Variants in GALNT18 observed in about 807,000 individuals in gnomAD.
The protein encoded by GALNT18 is GalNAc-transferase 18.
In GALNT18, 44 loss-of-function variants were observed where a neutral mutation model predicts 69.5. The ratio of observed to expected loss-of-function variants is 0.63; its 90% CI spans 0.50 to 0.81. The LOEUF is 0.81. Among genes scored for constraint, GALNT18 ranks in the 40% least tolerant of loss-of-function variants. The pLI, the probability that GALNT18 is intolerant of heterozygous loss-of-function variation, is 0.00. For synonymous variants in GALNT18, 364 were observed against 318.2 expected (o/e 1.14, Z -1.53); for missense variants, 715 against 810.0 (o/e 0.88, Z 1.42).
intron 1 of GALNT18, among the ~76,000 whole-genome samples, chr11:11,520,674 G>T (rs765084371): frequency 6.6e-6 from 1 of 152,190 alleles, no homozygotes; most frequent in Non-Finnish European, 1.5e-5. Flanking sequence ...AGCTAGATGG[G>T]GCAGAGGGAG....
chr11:11,462,665 A>C (rs1856072203), intron 1 of GALNT18, among the ~76,000 whole-genome samples: 2 of 152,100 alleles, frequency 1.3e-5, no homozygotes, highest in Non-Finnish European at 2.9e-5. Context: ...TCATGCCCTA[A>C]AATGTCACAA....
chr11:11,320,342 C>T lies in GALNT18; in HGVS notation c.1512+6744G>A, dbSNP rs1485757109. ...CCATCTCCTGCAGTTGTACAGTGCA[C>T]AACCTGCACAATGGCATGTGACAGT... is the stretch of plus-strand genomic sequence containing the variant. On this transcript the variant is annotated intron_variant, in intron 9 of 10. Transcript: ENST00000227756. This position sits in a 1 kb window ranked among gnomAD's most constrained non-coding sequence, Gnocchi z 4.9. Among the ~76,000 whole-genome samples the T allele has an allele frequency of 6.6e-6, 1 of 152,212 alleles. No homozygotes were observed. Among genetic ancestry groups the T allele is most frequent in the African/African-American group, 2.4e-5 (1 of 41,446 alleles).
chr11:11,323,357 G>T (rs186528875), intron 9 of GALNT18, among the ~76,000 whole-genome samples: 84 of 152,366 alleles, frequency 5.5e-4, no homozygotes, highest in African/African-American at 1.9e-3. Flanking sequence ...GAAAGGCATA[G>T]AATAGATATT....
chr11:11,369,415 G>A (rs1850845929), intron 6 of GALNT18, among the ~76,000 whole-genome samples: 1 of 152,100 alleles, frequency 6.6e-6, no homozygotes, highest in Admixed American at 6.5e-5. Flanking sequence ...ACCTTCTCAT[G>A]GCTGTCTTTC....
chr11:11,423,070 G>T (rs544433262), intron 3 of GALNT18, among the ~76,000 whole-genome samples: 2 of 152,108 alleles, frequency 1.3e-5, no homozygotes, highest in African/African-American at 4.8e-5. Context: ...TACTGCGTAA[G>T]TGCGCACACA....
At chr11:11,565,512 T>C (rs1251876801) in intron 1 of GALNT18, among the ~76,000 whole-genome samples, 1 of 152,124 alleles carries the variant, frequency 6.6e-6, no homozygotes, top group South Asian at 2.1e-4. Context: ...ATGCAAGCAC[T>C]GGGAAAGGAA....
At chr11:11,322,482 C>T (rs1186640524) in intron 9 of GALNT18, among the ~76,000 whole-genome samples, 1 of 152,216 alleles carries the variant, frequency 6.6e-6, no homozygotes, top group Non-Finnish European at 1.5e-5. Context: ...CTACTTGTGA[C>T]CTGGCTACCT....
chr11:11,330,570 C>G (rs1444522431), intron 8 of GALNT18, among the ~76,000 whole-genome samples: 3 of 152,130 alleles, frequency 2.0e-5, no homozygotes, highest in Admixed American at 1.3e-4. Flanking sequence ...AGCCCTCTGC[C>G]AGCTGCAGGG....
chr11:11,430,205 C>A lies in GALNT18; in HGVS notation c.595+2416G>T, dbSNP rs1216613255. ...AGAACCCTCTTTGAACTCACTGAAC[C>A]AGAATCTCCTAGGAGAGCTTTTTGT... On this transcript the variant is annotated intron_variant, in intron 3 of 10. Transcript: ENST00000227756. This position sits in a 1 kb window ranked among gnomAD's most constrained non-coding sequence, Gnocchi z 4.9. Among the ~76,000 whole-genome samples the A allele has an allele frequency of 6.6e-6, 1 of 152,156 alleles. No homozygotes were observed. The highest frequency in any genetic ancestry group is 6.5e-5 in the Admixed American group (1 of 15,274).
chr11:11,557,793 C>T (rs1858368128), intron 1 of GALNT18, among the ~76,000 whole-genome samples: 1 of 152,212 alleles, frequency 6.6e-6, no homozygotes, highest in Non-Finnish European at 1.5e-5. Flanking sequence ...TCTCATGCCA[C>T]ATGGCTGGCA....
intron 6 of GALNT18, among the ~76,000 whole-genome samples, chr11:11,343,100 T>C (rs538904823): frequency 2.0e-5 from 3 of 152,138 alleles, no homozygotes; most frequent in Non-Finnish European, 4.4e-5. Flanking sequence ...TCCCAGCACT[T>C]TGGGAGGCTG....
At chr11:11,346,210 C>T (rs1438930619) in intron 6 of GALNT18, among the ~76,000 whole-genome samples, 3 of 152,198 alleles carry the variant, frequency 2.0e-5, no homozygotes, top group African/African-American at 7.2e-5. Flanking sequence ...TGTCTGTCTC[C>T]CTTCACTGGA....
At chr11:11,609,180 C>A (rs868501502) in intron 1 of GALNT18, among the ~76,000 whole-genome samples, 3 of 152,218 alleles carry the variant, frequency 2.0e-5, no homozygotes, top group African/African-American at 7.2e-5. Flanking sequence ...CTGCTCACCC[C>A]CTCTGGTAGC....
intron 1 of GALNT18, among the ~76,000 whole-genome samples, chr11:11,455,074 C>G (rs1477892647): frequency 6.6e-6 from 1 of 152,224 alleles, no homozygotes; most frequent in Non-Finnish European, 1.5e-5. Context: ...CAGCCCTATT[C>G]AGAGATGCTC....
At position 11,387,529 on chromosome 11, in the gene GALNT18, T is replaced by A. The variant is rs1854085795; in HGVS notation, c.596-8265A>T. 6.6e-6 allele frequency among the ~76,000 whole-genome samples: 1 copy of A among 152,244 alleles called. No individual in the cohort carries two copies. The highest frequency in any genetic ancestry group is 2.4e-5 in the African/African-American group (1 of 41,460). On this transcript the variant is annotated intron_variant, in intron 3 of 10. Coordinates refer to ENST00000227756, the MANE Select transcript of GALNT18 (RefSeq NM_198516.3). The surrounding 1 kb of genome is among the most constrained non-coding windows in gnomAD (Gnocchi z 4.6). ...GGTGCTAATTTAAAGATTAAAAGTG[T>A]GTTTATTCCTTTCCAAGTGAAAAGT...
chr11:11,453,357 C>T lies in GALNT18; in HGVS notation c.236-4421G>A, dbSNP rs115522655. Among the ~76,000 whole-genome samples the T allele has an allele frequency of 8.5e-3, 1,296 of 152,290 alleles. 22 individuals carry two copies. The highest frequency in any genetic ancestry group is 0.03 in the African/African-American group (1,247 of 41,550). Reference sequence around the variant, plus strand: ...ATCTCTGCCCCTGGTTTTCTCCTCTCCAGCCACACCGGCCACTCATCAGAC... The same window carrying T: ...ATCTCTGCCCCTGGTTTTCTCCTCTTCAGCCACACCGGCCACTCATCAGAC... On this transcript the variant is annotated intron_variant, in intron 1 of 10. Coordinates refer to ENST00000227756, the MANE Select transcript of GALNT18 (RefSeq NM_198516.3).
rs1850166553 is a variant in GALNT18 at position 11,339,527 on chromosome 11, C to CCAT, written c.1278+1289_1278+1291dup. On this transcript the variant is annotated intron_variant, in intron 7 of 10. Coordinates refer to ENST00000227756, the MANE Select transcript of GALNT18 (RefSeq NM_198516.3). This position sits in a 1 kb window ranked among gnomAD's most constrained non-coding sequence, Gnocchi z 5.2. ...GTTTCCAAGTGTTCTTAATATTTTG[C>CCAT]CATCACAGGACACCTACCACAGGGC... 6.6e-6 allele frequency among the ~76,000 whole-genome samples: 1 copy of CCAT among 152,120 alleles called. No individual in the cohort carries two copies. The highest frequency in any genetic ancestry group is 1.5e-5 in the Non-Finnish European group (1 of 68,032).
intron 9 of GALNT18, 151 bp from the exon 10 acceptor site, chr11:11,293,344 C>T: frequency 2.1e-6 from 1 of 469,426 alleles, no homozygotes. Flanking sequence ...AGATTATTTT[C>T]TATTGCAATG....
In GALNT18 at chr11:11,432,865, C is replaced by T. The variant is rs1855307556; in HGVS notation, c.429-78G>A. On this transcript the variant is annotated intron_variant, in intron 2 of 10. Transcript: ENST00000227756. This position sits in a 1 kb window ranked among gnomAD's most constrained non-coding sequence, Gnocchi z 5.8. ...GGAGCTGACCCAGCCCATGTCCTGG[C>T]TCCAGCTTTGCTGGAGGGCTCGGGA... is the stretch of plus-strand genomic sequence containing the variant. 2.7e-6 allele frequency: 4 copies of T among 1,478,554 alleles called. No individual in the cohort carries two copies. In the Admixed American group the frequency reaches 5.8e-5, roughly 21 times the overall value. The allele number at this position is 1,478,554 out of a possible 1,614,324, so 91.6% of individuals were successfully genotyped here. A position where few individuals can be genotyped will look rare whatever the true frequency, so the allele number is the denominator to read the frequency against.
Sources: allele counts gnomAD v4.1 joint callset (sites outside exome capture counted in the v4.1 genomes callset), GRCh38; gene constraint gnomAD v4.1.1; non-coding constraint Gnocchi (gnomAD v3.1); transcripts MANE v1.5; gene names NCBI Gene and HGNC (gene_info 2026-07-23, HGNC 2026-07-21).